Variants in PCDHA8 observed in about 807,000 individuals in gnomAD.
The protein encoded by PCDHA8 is protocadherin alpha 8.
PCDHA8 carries 53 observed loss-of-function variants against 61.8 expected under a neutral mutation model. The ratio of observed to expected loss-of-function variants is 0.86; its 90% CI spans 0.69 to 1.08. The LOEUF is 1.08. PCDHA8 is among the 50% of genes least tolerant of loss of function. The pLI is 0.00. For synonymous variants in PCDHA8, 618 were observed against 556.6 expected (o/e 1.11, Z -1.55); for missense variants, 1,293 against 1,245.0 (o/e 1.04, Z -0.58).
intron 1 of PCDHA8, among the ~76,000 whole-genome samples, chr5:140,913,872 G>A (rs2076493472): frequency 6.6e-6 from 1 of 151,980 alleles, no homozygotes; most frequent in Non-Finnish European, 1.5e-5. Flanking sequence ...TAATTTCCAT[G>A]TGTTCATGTA....
chr5:140,886,327 A>G (rs2060943233), intron 1 of PCDHA8, among the ~76,000 whole-genome samples: 1 of 152,162 alleles, frequency 6.6e-6, no homozygotes, highest in Admixed American at 6.5e-5. Flanking sequence ...GTTCTGGGAT[A>G]CATGTGCAGA....
At position 140,850,009 on chromosome 5, in the gene PCDHA8, C is replaced by G. The variant is rs2150463255; in HGVS notation, c.2394+6294C>G. The G allele has an allele frequency of 3.8e-5, 61 of 1,596,962 alleles. 4 individuals carry two copies. Among genetic ancestry groups the G allele is most frequent in the Non-Finnish European group, 5.1e-5 (60 of 1,167,842 alleles). On this transcript the variant is annotated intron_variant, in intron 1 of 3. Transcript: ENST00000531613. ...CGGCGGTTGGGCGAGCGCTCGCTGT[C>G]GAGCTACGTGTCAGTGCACGCGGAG...
intron 1 of PCDHA8, among the ~76,000 whole-genome samples, chr5:140,893,580 G>C (rs555518122): frequency 1.5e-4 from 23 of 152,268 alleles, no homozygotes; most frequent in East Asian, 1.2e-3. Flanking sequence ...GTTTTTGCTT[G>C]TTTGGGAAAT....
At chr5:140,999,784 T>C (rs1176844844) in intron 3 of PCDHA8, among the ~76,000 whole-genome samples, 1 of 152,202 alleles carries the variant, frequency 6.6e-6, no homozygotes, top group African/African-American at 2.4e-5. Context: ...AACCTAGAAA[T>C]GGCAGAGTTA....
chr5:140,986,950 A>G (rs1161887732), intron 3 of PCDHA8, among the ~76,000 whole-genome samples: 1 of 152,282 alleles, frequency 6.6e-6, no homozygotes, highest in East Asian at 1.9e-4. Context: ...GTGGTCGCTC[A>G]TGCCTGTAAT....
intron 1 of PCDHA8, among the ~76,000 whole-genome samples, chr5:140,912,304 C>T (rs904729298): frequency 6.6e-6 from 1 of 151,998 alleles, no homozygotes; most frequent in Admixed American, 6.6e-5. Flanking sequence ...TCCTGTAATC[C>T]AGTCAAGTTG....
chr5:140,966,813 T>C (rs2096057002), intron 1 of PCDHA8: 2 of 1,551,874 alleles, frequency 1.3e-6, no homozygotes, highest in Non-Finnish European at 8.7e-7. Context: ...CATCCACGGC[T>C]CCGGCGGCCC....
At chr5:140,869,288 G>C (rs950790626) in intron 1 of PCDHA8, 2 of 1,613,578 alleles carry the variant, frequency 1.2e-6, no homozygotes, top group South Asian at 1.1e-5. Flanking sequence ...CTGGTGCAGC[G>C]CCTGTTCCGG....
At chr5:140,855,766 C>T in intron 1 of PCDHA8, 2 of 379,872 alleles carry the variant, frequency 5.3e-6, no homozygotes, top group South Asian at 9.3e-5. Flanking sequence ...AGTCCATAGA[C>T]ATAAAAATAC....
intron 1 of PCDHA8, chr5:140,869,090 C>T: frequency 6.3e-7 from 1 of 1,589,674 alleles, no homozygotes; most frequent in Non-Finnish European, 8.6e-7. Context: ...TTTTGGAAGC[C>T]AATTTCGTAT....
chr5:140,992,270 G>A (rs115480506), intron 3 of PCDHA8, among the ~76,000 whole-genome samples: 186 of 152,264 alleles, frequency 1.2e-3, no homozygotes, highest in African/African-American at 4.1e-3. Flanking sequence ...AGTTCTTTTC[G>A]TAGCACATCC....
intron 2 of PCDHA8, among the ~76,000 whole-genome samples, chr5:140,979,725 G>A (rs2096861699): frequency 6.6e-6 from 1 of 152,136 alleles, no homozygotes; most frequent in South Asian, 2.1e-4. Context: ...CCATGCCATG[G>A]GGCCAAATAA....
chr5:140,897,174 G>C (rs1356780883), intron 1 of PCDHA8, among the ~76,000 whole-genome samples: 1 of 151,818 alleles, frequency 6.6e-6, no homozygotes, highest in Non-Finnish European at 1.5e-5. Context: ...TATCTCCATG[G>C]GTTCAAAAAA....
In PCDHA8 at chr5:140,982,550, C is replaced by T. The variant is rs1554244485; in HGVS notation, c.2529C>T (p.Ser843=). ...CTGATCAGCAGTGGCCAACAGTATC[C>T]AGTGCAACACCAGGTAAAGAGCTGG... The part of the protein sequence containing the change: ...GGPDQQWPTV[S]SATPEPEAGE... The change falls in exon 3 of 4, where the codon TCC becomes TCT. Residue 843 remains serine, a synonymous_variant. Transcript: ENST00000531613. The T allele has an allele frequency of 6.2e-7, 1 of 1,614,176 alleles. No homozygotes were observed. The highest frequency in any genetic ancestry group is 1.7e-5 in the Admixed American group (1 of 60,028).
At chr5:140,870,638 A>G in intron 1 of PCDHA8, 1 of 1,612,842 alleles carries the variant, frequency 6.2e-7, no homozygotes, top group East Asian at 2.2e-5. Flanking sequence ...GTGCACGCGG[A>G]GAGCGGCAAG....
chr5:140,908,442 T>A (rs2073975632), intron 1 of PCDHA8, among the ~76,000 whole-genome samples: 1 of 152,160 alleles, frequency 6.6e-6, no homozygotes, highest in Non-Finnish European at 1.5e-5. Flanking sequence ...CACCCCACTT[T>A]ATGGCTAGAT....
intron 1 of PCDHA8, among the ~76,000 whole-genome samples, chr5:140,900,209 G>A (rs918328130): frequency 6.6e-6 from 1 of 152,146 alleles, no homozygotes; most frequent in Non-Finnish European, 1.5e-5. Context: ...GTTTCATCCA[G>A]GTTGTTGCAA....
intron 1 of PCDHA8, chr5:140,967,579 C>T: frequency 7.4e-6 from 12 of 1,614,154 alleles, no homozygotes; most frequent in Non-Finnish European, 9.3e-6. Context: ...AGGACTCACC[C>T]CCAGGCACAT....
intron 3 of PCDHA8, among the ~76,000 whole-genome samples, chr5:140,987,333 T>C (rs1470731690): frequency 6.6e-6 from 1 of 152,158 alleles, no homozygotes; most frequent in East Asian, 1.9e-4. Context: ...TAAGAACTGG[T>C]CTAAGGTAAA....
Sources: gnomAD v4.1 joint callset for allele counts (sites outside exome capture counted in the v4.1 genomes callset) on GRCh38, gnomAD v4.1.1 for gene constraint, MANE v1.5 for transcripts, NCBI Gene and HGNC (gene_info 2026-07-23, HGNC 2026-07-21) for gene names.